Variants in KLHL32 observed in about 807,000 individuals in gnomAD.
KLHL32 encodes the protein kelch like family member 32, also known as kelch-like protein 32.
Under a neutral mutation model 64.8 loss-of-function variants are expected in KLHL32, and 35 were observed. That is an observed-to-expected ratio of 0.54 (90% CI 0.41 to 0.72). KLHL32 has a LOEUF of 0.72. Ranked by LOEUF, KLHL32 falls within the 30% of genes least tolerant of loss-of-function variation. KLHL32 has a pLI of 0.00. For missense variants in KLHL32, 589 were observed against 768.5 expected, an observed-to-expected ratio of 0.77 and a Z score of 2.76; for synonymous variants, 259 against 281.0, an observed-to-expected ratio of 0.92 and a Z score of 0.78.
At chr6:97,014,333 A>G (rs1242638267) in intron 3 of KLHL32, among the ~76,000 whole-genome samples, 1 of 151,904 alleles carries the variant, frequency 6.6e-6, no homozygotes. Context: ...GTATCTGTAA[A>G]TTATTATTTG....
At chr6:96,914,234 G>T in the KLHL32 span, among the ~76,000 whole-genome samples, 2 of 152,136 alleles carry the variant, frequency 1.3e-5, no homozygotes, top group African/African-American at 4.8e-5. Context: ...ACCCATGCTA[G>T]ATTTCTAACC....
intron 7 of KLHL32, among the ~76,000 whole-genome samples, chr6:97,124,038 C>G (rs1328029311): frequency 1.3e-5 from 2 of 152,070 alleles, no homozygotes; most frequent in African/African-American, 4.8e-5. Context: ...ATGATAAAGC[C>G]CTGCAAATGA....
At chr6:97,072,066 C>T (rs1223932652) in intron 5 of KLHL32, among the ~76,000 whole-genome samples, 1 of 152,220 alleles carries the variant, frequency 6.6e-6, no homozygotes, top group Non-Finnish European at 1.5e-5. Flanking sequence ...CTAGTCTACA[C>T]TTCGGCTTGG....
At chr6:97,131,751 G>C (rs1799466343) in intron 9 of KLHL32, among the ~76,000 whole-genome samples, 1 of 152,164 alleles carries the variant, frequency 6.6e-6, no homozygotes, top group Non-Finnish European at 1.5e-5. Flanking sequence ...TGCTGGGGGA[G>C]GCAACGCTGG....
chr6:96,969,548 C>G (rs1774887871), intron 2 of KLHL32, among the ~76,000 whole-genome samples: 1 of 152,188 alleles, frequency 6.6e-6, no homozygotes, highest in African/African-American at 2.4e-5. Context: ...CCTACGTTGT[C>G]TAGTGGAGAC....
At chr6:96,979,703 A>C (rs551519671) in intron 3 of KLHL32, among the ~76,000 whole-genome samples, 2 of 152,296 alleles carry the variant, frequency 1.3e-5, no homozygotes, top group East Asian at 3.9e-4. Flanking sequence ...GAAAAACATC[A>C]TTGGTAGTTT....
At chr6:97,011,635 A>G (rs1780419752) in intron 3 of KLHL32, among the ~76,000 whole-genome samples, 2 of 152,212 alleles carry the variant, frequency 1.3e-5, no homozygotes, top group South Asian at 4.1e-4. Flanking sequence ...AAATAGATAC[A>G]TATTCAGAGT....
chr6:97,129,389 G>A (rs1799203468), intron 8 of KLHL32, among the ~76,000 whole-genome samples: 1 of 152,080 alleles, frequency 6.6e-6, no homozygotes, highest in Non-Finnish European at 1.5e-5. Context: ...AACTGTTAGG[G>A]TTATTTACCT....
chr6:97,072,564 C>CTTTT (rs5878460), intron 5 of KLHL32, among the ~76,000 whole-genome samples: 1,474 of 146,150 alleles, frequency 0.01, 35 homozygotes, highest in African/African-American at 0.034. Flanking sequence ...ATCTCTTTGG[C>CTTTT]TTTTTTTTTT....
rs747535020 is a variant in KLHL32 at position 96,976,066 on chromosome 6, G to A, written c.93G>A (p.Ala31=). The A allele has an allele frequency of 1.9e-5, 30 of 1,608,492 alleles. No individual in the cohort carries two copies. The highest frequency in any genetic ancestry group is 1.1e-4 in the South Asian group (10 of 90,452). ...SESHNDSVLA[A]LNQQRSDGIL... Reference sequence around the variant, plus strand: ...CTCACAATGACAGTGTCCTGGCAGCGCTGAATCAGCAGAGGAGTGATGGCA... The same window carrying A: ...CTCACAATGACAGTGTCCTGGCAGCACTGAATCAGCAGAGGAGTGATGGCA... Residue 31 remains alanine, a synonymous_variant, in exon 3 of 11, where the codon GCG becomes GCA. Transcript: ENST00000369261.
chr6:97,131,019 T>A (rs1799385847), intron 9 of KLHL32, 70 bp downstream of exon 9: 2 of 1,296,820 alleles, frequency 1.5e-6, no homozygotes, highest in Admixed American at 1.9e-5. Context: ...TTCATAGACA[T>A]CTTTAGGGCA....
chr6:97,094,063 G>C (rs1187094760), intron 6 of KLHL32, among the ~76,000 whole-genome samples: 1 of 152,186 alleles, frequency 6.6e-6, no homozygotes, highest in Non-Finnish European at 1.5e-5. Flanking sequence ...TAAATTGACA[G>C]TTGGGTGATG....
At chr6:97,069,311 TTA>T (rs1255327302) in intron 5 of KLHL32, among the ~76,000 whole-genome samples, 6 of 152,282 alleles carry the variant, frequency 3.9e-5, no homozygotes, top group Non-Finnish European at 8.8e-5. Context: ...TGAAAATTAG[TTA>T]TTTTCTCTCT....
chr6:97,003,438 C>T (rs537406448), intron 3 of KLHL32, among the ~76,000 whole-genome samples: 3 of 152,160 alleles, frequency 2.0e-5, no homozygotes, highest in African/African-American at 7.2e-5. Context: ...CTCCCATTCT[C>T]TATAGTGCCT....
rs1217371909 is a variant in KLHL32 at position 97,085,377 on chromosome 6, A to T, written c.627+36A>T. The T allele has an allele frequency of 2.6e-6, 4 of 1,562,602 alleles. No homozygotes were observed. The Admixed American group carries it at 6.7e-5, about 26-fold the overall frequency. The stretch of plus-strand genomic sequence containing the variant: ...TGTGCACGGTCGCTTTTGGCACTGA[A>T]AAAGCATGCCGTGATTGGAAGTTAA... On this transcript the variant is annotated intron_variant, in intron 6 of 10. Transcript: ENST00000369261.
At chr6:97,054,194 G>A (rs1027373031) in intron 4 of KLHL32, among the ~76,000 whole-genome samples, 5 of 152,114 alleles carry the variant, frequency 3.3e-5, no homozygotes, top group Admixed American at 6.5e-5. Context: ...TATATTGGAA[G>A]TTATATTCCA....
At chr6:97,118,697 T>G (rs533207978) in intron 7 of KLHL32, among the ~76,000 whole-genome samples, 2 of 151,752 alleles carry the variant, frequency 1.3e-5, no homozygotes, top group East Asian at 3.9e-4. Context: ...TGTGGTGCAC[T>G]GAGACCACAG....
chr6:96,968,072 G>A (rs1171526150), intron 2 of KLHL32, among the ~76,000 whole-genome samples: 1 of 152,186 alleles, frequency 6.6e-6, no homozygotes, highest in Non-Finnish European at 1.5e-5. Context: ...AATGAGACCA[G>A]CTTCTTTCCA....
intron 3 of KLHL32, among the ~76,000 whole-genome samples, chr6:97,007,043 A>G (rs1779752552): frequency 6.6e-6 from 1 of 152,022 alleles, no homozygotes; most frequent in African/African-American, 2.4e-5. Flanking sequence ...CCTCTTTAGC[A>G]AGGTTGGGGA....
Sources: allele counts gnomAD v4.1 joint callset (sites outside exome capture counted in the v4.1 genomes callset), GRCh38; gene constraint gnomAD v4.1.1; transcripts MANE v1.5; gene names NCBI Gene and HGNC (gene_info 2026-07-23, HGNC 2026-07-21).